The following PTPRT variants were observed in gnomAD, a reference collection of about 807,000 sequenced individuals.
The protein encoded by PTPRT is protein tyrosine phosphatase receptor type T.
In PTPRT, 56 loss-of-function variants were observed where a neutral mutation model predicts 176.8. The observed-to-expected ratio is 0.32, with a 90% CI of 0.26 to 0.40. The LOEUF (loss-of-function observed/expected upper bound fraction) is 0.40, where lower values mean the gene tolerates loss of function less well. Ranked by LOEUF, PTPRT falls within the 10% of genes least tolerant of loss-of-function variation. The pLI, the probability that PTPRT is intolerant of heterozygous loss-of-function variation, is 1.00. For missense variants in PTPRT, 1,540 were observed against 1,908.2 expected (o/e 0.81, Z 3.60); for synonymous variants, 783 against 739.0 (o/e 1.06, Z -0.96).
At chr20:42,799,478 C>T (rs2077499355) in intron 2 of PTPRT, among the ~76,000 whole-genome samples, 1 of 152,164 alleles carries the variant, frequency 6.6e-6, no homozygotes, top group Non-Finnish European at 1.5e-5. Flanking sequence ...CCTGCGTCTC[C>T]CTTTATTACT....
intron 9 of PTPRT, among the ~76,000 whole-genome samples, chr20:42,444,618 T>A (rs1005451160): frequency 6.6e-6 from 1 of 152,154 alleles, no homozygotes; most frequent in Non-Finnish European, 1.5e-5. Flanking sequence ...ATTTTTTCTT[T>A]GCTTGTAACT....
At chr20:42,488,981 A>G (rs1421745378) in intron 7 of PTPRT, among the ~76,000 whole-genome samples, 4 of 149,970 alleles carry the variant, frequency 2.7e-5, no homozygotes, top group African/African-American at 7.3e-5. Context: ...AGAAAGAAAT[A>G]TGAAAAATAA....
At chr20:42,096,276 T>A (rs1420876962) in intron 27 of PTPRT, among the ~76,000 whole-genome samples, 2 of 134,218 alleles carry the variant, frequency 1.5e-5, no homozygotes, top group Non-Finnish European at 3.3e-5. Context: ...ATTCTTACCC[T>A]TTTTTTGCAA....
chr20:43,102,745 C>G (rs1404307767), intron 1 of PTPRT, among the ~76,000 whole-genome samples: 1 of 152,156 alleles, frequency 6.6e-6, no homozygotes, highest in Admixed American at 6.5e-5. Context: ...CACGCTGGTA[C>G]CTATGGCAGG....
At chr20:42,739,515 G>C (rs2076577825) in intron 6 of PTPRT, among the ~76,000 whole-genome samples, 1 of 152,070 alleles carries the variant, frequency 6.6e-6, no homozygotes. Flanking sequence ...GAGAGGGAAG[G>C]GGCAGAGGCT....
At chr20:42,545,152 C>G (rs1325360599) in intron 7 of PTPRT, among the ~76,000 whole-genome samples, 1 of 152,158 alleles carries the variant, frequency 6.6e-6, no homozygotes, top group Non-Finnish European at 1.5e-5. Flanking sequence ...CAGACCAGGC[C>G]CCGTTAAGGT....
chr20:42,083,655 C>CAG (rs1465661375), intron 29 of PTPRT, among the ~76,000 whole-genome samples: 2 of 152,168 alleles, frequency 1.3e-5, no homozygotes, highest in Admixed American at 6.5e-5. Context: ...AGACTGACCT[C>CAG]AATTCTGAGG....
chr20:42,666,446 T>C (rs1002063875), intron 7 of PTPRT, among the ~76,000 whole-genome samples: 2 of 152,240 alleles, frequency 1.3e-5, no homozygotes, highest in African/African-American at 4.8e-5. Context: ...TTTTTACAAA[T>C]GTTGACATTT....
At chr20:42,776,009 A>AATC (rs777423935) in intron 4 of PTPRT, among the ~76,000 whole-genome samples, 2 of 152,206 alleles carry the variant, frequency 1.3e-5, no homozygotes, top group Non-Finnish European at 2.9e-5. Context: ...CATGACAGGT[A>AATC]ATCCCTGTAA....
At chr20:42,341,574 T>C (rs1296513944) in intron 11 of PTPRT, among the ~76,000 whole-genome samples, 1 of 152,162 alleles carries the variant, frequency 6.6e-6, no homozygotes, top group African/African-American at 2.4e-5. Context: ...GTTTCGTAGC[T>C]CTCTGTTCTG....
intron 1 of PTPRT, among the ~76,000 whole-genome samples, chr20:42,983,995 T>C (rs762226883): frequency 6.6e-6 from 1 of 152,206 alleles, no homozygotes; most frequent in South Asian, 2.1e-4. Context: ...AGGTCTACCA[T>C]GCCCATTTGA....
intron 1 of PTPRT, among the ~76,000 whole-genome samples, chr20:43,117,847 C>T (rs1243984618): frequency 6.6e-5 from 10 of 152,104 alleles, no homozygotes; most frequent in Admixed American, 6.6e-4. Flanking sequence ...CACTTTTTCC[C>T]AGGGAAGTCT....
intron 9 of PTPRT, among the ~76,000 whole-genome samples, chr20:42,375,570 C>T (rs1309545993): frequency 2.0e-5 from 3 of 152,260 alleles, no homozygotes; most frequent in East Asian, 3.9e-4. Context: ...CCCCTGGATC[C>T]GGGCTTCCCA....
At chr20:42,661,163 A>C (rs1477487182) in intron 7 of PTPRT, among the ~76,000 whole-genome samples, 1 of 152,138 alleles carries the variant, frequency 6.6e-6, no homozygotes, top group Non-Finnish European at 1.5e-5. Flanking sequence ...ACAGTGTTTT[A>C]AATGGTTAAA....
intron 25 of PTPRT, 40 bp from the exon 26 acceptor site, chr20:42,102,337 T>C (rs771669722): frequency 6.3e-7 from 1 of 1,588,612 alleles, no homozygotes; most frequent in Non-Finnish European, 8.6e-7. Flanking sequence ...CCTGCTCATT[T>C]GGCTGCCCCT....
At position 42,767,287 on chromosome 20, in the gene PTPRT, A is replaced by AT. The variant is rs1382873118; in HGVS notation, c.684+4147_684+4148insA. ...GAGCATTTGAATCAGTGGACTCAGT[A>AT]AAGTGCATGGCCCTCCCCAGCGTGA... On this transcript the variant is annotated intron_variant, in intron 5 of 30. Coordinates refer to ENST00000373187, the MANE Select transcript of PTPRT (RefSeq NM_007050.6). Among the ~76,000 whole-genome samples the AT allele has an allele frequency of 2.6e-5, 4 of 152,290 alleles. No homozygotes were observed. The East Asian group carries it at 7.7e-4, about 29-fold the overall frequency.
At chr20:42,567,481 C>T (rs2073062970) in intron 7 of PTPRT, among the ~76,000 whole-genome samples, 1 of 152,116 alleles carries the variant, frequency 6.6e-6, no homozygotes, top group South Asian at 2.1e-4. Flanking sequence ...CCTGTGATTA[C>T]CAGGGGGTGA....
intron 8 of PTPRT, among the ~76,000 whole-genome samples, chr20:42,468,650 G>A (rs1168299193): frequency 6.6e-6 from 1 of 152,216 alleles, no homozygotes; most frequent in African/African-American, 2.4e-5. Context: ...GAAGAAGAAA[G>A]AGAGAAGTTA....
At chr20:42,063,336 C>T in the PTPRT span, among the ~76,000 whole-genome samples, 1 of 152,130 alleles carries the variant, frequency 6.6e-6, no homozygotes. Context: ...TTCCACAACC[C>T]CAAAGCAGCA....
Sources: allele counts gnomAD v4.1 joint callset (sites outside exome capture counted in the v4.1 genomes callset), GRCh38; gene constraint gnomAD v4.1.1; transcripts MANE v1.5; gene names NCBI Gene and HGNC (gene_info 2026-07-23, HGNC 2026-07-21).